The following RALB variants were observed in gnomAD, a reference collection of about 807,000 sequenced individuals.
The protein encoded by RALB is RAS like proto-oncogene B, also known as ras-related protein Ral-B.
Under a neutral mutation model 21.3 loss-of-function variants are expected in RALB, and 16 were observed. The ratio of observed to expected loss-of-function variants is 0.75; its 90% CI spans 0.51 to 1.14. The LOEUF (loss-of-function observed/expected upper bound fraction) is 1.14, where lower values mean the gene tolerates loss of function less well. Among genes scored for constraint, RALB ranks in the 50% most tolerant of loss-of-function variants. The pLI is 0.00. For synonymous variants in RALB, 93 were observed against 96.1 expected, an observed-to-expected ratio of 0.97 and a Z score of 0.19; for missense variants, 161 against 256.2, an observed-to-expected ratio of 0.63 and a Z score of 2.54.
intron 1 of RALB, among the ~76,000 whole-genome samples, chr2:120,254,622 C>G (rs1244950676): frequency 6.6e-6 from 1 of 152,166 alleles, no homozygotes; most frequent in Admixed American, 6.5e-5. Context: ...CTTGCCTTGA[C>G]TGAAGATGGC....
chr2:120,260,047 G>A (rs963591853), intron 1 of RALB, among the ~76,000 whole-genome samples: 3 of 152,220 alleles, frequency 2.0e-5, no homozygotes, highest in African/African-American at 7.2e-5. Flanking sequence ...TGCTCCGAGT[G>A]CGGGGCCCAC....
At chr2:120,257,734 G>A (rs1052381037) in intron 1 of RALB, among the ~76,000 whole-genome samples, 41 of 152,108 alleles carry the variant, frequency 2.7e-4, no homozygotes, top group African/African-American at 9.4e-4. Flanking sequence ...CCCATCCTCT[G>A]CCCTAATTTA....
At chr2:120,244,893 T>G in intron 1 of RALB, among the ~76,000 whole-genome samples, 1 of 152,220 alleles carries the variant, frequency 6.6e-6, no homozygotes. Flanking sequence ...AGCTTCAGGC[T>G]GTGATACAGT....
chr2:120,266,034 A>G (rs1689493902), intron 1 of RALB, among the ~76,000 whole-genome samples: 1 of 152,196 alleles, frequency 6.6e-6, no homozygotes, highest in African/African-American at 2.4e-5. Flanking sequence ...TTATTTCAGA[A>G]ATATATTAAA....
At chr2:120,277,893 G>GTGTGAGCGTGTGTGTGAATGTGAGTTAA (rs1491472018) in intron 1 of RALB, among the ~76,000 whole-genome samples, 5 of 151,534 alleles carry the variant, frequency 3.3e-5, no homozygotes, top group Non-Finnish European at 7.4e-5. Flanking sequence ...GTGAAAATGA[G>GTGTGAGCGTGTGTGTGAATGTGAGTTAA]TGTGAGCGTG....
chr2:120,266,375 G>A (rs978956416), intron 1 of RALB, among the ~76,000 whole-genome samples: 5 of 152,206 alleles, frequency 3.3e-5, no homozygotes, highest in African/African-American at 9.7e-5. Context: ...CTCCCAAGTA[G>A]CTGGGACTAC....
intron 3 of RALB, 110 bp from the exon 4 acceptor site, chr2:120,289,468 ATT>A (rs377621907): frequency 1.0e-5 from 9 of 884,944 alleles, no homozygotes; most frequent in East Asian, 3.1e-5. Flanking sequence ...AAATCTAGTG[ATT>A]TTTTTTTTTC....
intron 3 of RALB, 92 bp from the exon 4 acceptor site, chr2:120,289,488 C>T: frequency 1.5e-6 from 2 of 1,339,520 alleles, no homozygotes; most frequent in Middle Eastern, 2.4e-4. Flanking sequence ...TTCCTTCTGC[C>T]TTAGGAAAGC....
intron 1 of RALB, among the ~76,000 whole-genome samples, chr2:120,263,532 A>G (rs1379922787): frequency 6.6e-6 from 1 of 152,024 alleles, no homozygotes; most frequent in Non-Finnish European, 1.5e-5. Context: ...TTTAATCTTC[A>G]TAACAGTCCT....
chr2:120,263,829 C>T (rs1431209115), intron 1 of RALB, among the ~76,000 whole-genome samples: 1 of 150,054 alleles, frequency 6.7e-6, no homozygotes, highest in Non-Finnish European at 1.5e-5. Flanking sequence ...TGCGCCTGGC[C>T]TGTCCTATAT....
intron 1 of RALB, among the ~76,000 whole-genome samples, chr2:120,277,324 G>A (rs1689824690): frequency 6.6e-6 from 1 of 151,568 alleles, no homozygotes; most frequent in African/African-American, 2.4e-5. Context: ...CAGCATGTGA[G>A]ATTGTGTGTG....
At chr2:120,282,177 A>G (rs1242395088) in intron 2 of RALB, among the ~76,000 whole-genome samples, 2 of 152,162 alleles carry the variant, frequency 1.3e-5, no homozygotes, top group African/African-American at 2.4e-5. Context: ...TTCCAAGAGC[A>G]AGTTCAGATA....
At chr2:120,277,824 T>A (rs993732908) in intron 1 of RALB, among the ~76,000 whole-genome samples, 1 of 141,414 alleles carries the variant, frequency 7.1e-6, no homozygotes, top group Non-Finnish European at 1.5e-5. Flanking sequence ...AGAGCAAGTG[T>A]GTGAATATGT....
At chr2:120,284,148 G>A (rs1211584952) in intron 2 of RALB, among the ~76,000 whole-genome samples, 1 of 152,084 alleles carries the variant, frequency 6.6e-6, no homozygotes, top group Non-Finnish European at 1.5e-5. Context: ...GAAAGCACAG[G>A]CAAGTTTTCA....
At chr2:120,269,828 T>C (rs1425106569) in intron 1 of RALB, among the ~76,000 whole-genome samples, 1 of 152,256 alleles carries the variant, frequency 6.6e-6, no homozygotes, top group Non-Finnish European at 1.5e-5. Context: ...CTTATACTTT[T>C]GTAGAATAAA....
At chr2:120,278,038 T>TGC (rs398071371) in intron 1 of RALB, among the ~76,000 whole-genome samples, 1 of 146,542 alleles carries the variant, frequency 6.8e-6, no homozygotes, top group Non-Finnish European at 1.5e-5. Context: ...TGTGAGAGCG[T>TGC]GAGTGTGTGT....
chr2:120,269,295 A>G (rs960899950), intron 1 of RALB, among the ~76,000 whole-genome samples: 7 of 152,138 alleles, frequency 4.6e-5, no homozygotes, highest in African/African-American at 1.7e-4. Flanking sequence ...TGAAGCCGCA[A>G]ACCTTCGCAG....
At position 120,293,277 on chromosome 2, in the gene RALB, T is replaced by C; in HGVS notation, c.*17T>C. 16 of 1,604,046 alleles carry C rather than the reference T, an allele frequency of 1.0e-5. No homozygotes were observed. The highest frequency in any genetic ancestry group is 1.3e-5 in the Non-Finnish European group (15 of 1,174,934). ...TTACTATGAGTGTCAAGGTGACGGATGAAGCCAGCTGCTCCTAAGGACACA... is the reference window on the plus strand; with the variant it reads ...TTACTATGAGTGTCAAGGTGACGGACGAAGCCAGCTGCTCCTAAGGACACA... On this transcript the variant is annotated 3_prime_UTR_variant, in exon 5 of 5. Coordinates refer to ENST00000272519, the MANE Select transcript of RALB (RefSeq NM_002881.3).
At chr2:120,249,643 A>G (rs1305203990), upstream of RALB, among the ~76,000 whole-genome samples, 1 of 152,160 alleles carries the variant, frequency 6.6e-6, no homozygotes, top group Admixed American at 6.5e-5. Flanking sequence ...TAAGCCATTC[A>G]TGAGGGATCT....
Sources: allele counts gnomAD v4.1 joint callset (sites outside exome capture counted in the v4.1 genomes callset), GRCh38; gene constraint gnomAD v4.1.1; transcripts MANE v1.5; gene names NCBI Gene and HGNC (gene_info 2026-07-23, HGNC 2026-07-21).